Variants in ITPR1 observed in about 807,000 individuals in gnomAD.
ITPR1 encodes the protein inositol 1,4,5-trisphosphate-gated calcium channel ITPR1.
ITPR1 carries 96 observed loss-of-function variants against 318.4 expected under a neutral mutation model. The ratio of observed to expected loss-of-function variants is 0.30; its 90% CI spans 0.26 to 0.36. The LOEUF is 0.36. Among genes scored for constraint, ITPR1 ranks in the 10% least tolerant of loss-of-function variants. ITPR1 has a pLI of 1.00. For synonymous variants in ITPR1, 1,312 were observed against 1,289.9 expected, an observed-to-expected ratio of 1.02 and a Z score of -0.37; for missense variants, 2,440 against 3,460.2, an observed-to-expected ratio of 0.71 and a Z score of 7.40.
intron 36 of ITPR1, among the ~76,000 whole-genome samples, chr3:4,704,715 G>T (rs1291649734): frequency 6.6e-6 from 1 of 151,958 alleles, no homozygotes; most frequent in East Asian, 1.9e-4. Flanking sequence ...CATTTGTCTT[G>T]GTGGTGATAA....
intron 2 of ITPR1, among the ~76,000 whole-genome samples, chr3:4,497,801 A>G (rs2080711690): frequency 6.8e-6 from 1 of 146,768 alleles, no homozygotes; most frequent in African/African-American, 2.6e-5. Flanking sequence ...AAAGGTAGAA[A>G]CAACACAAGT....
chr3:4,530,522 G>A (rs181510670), intron 4 of ITPR1, among the ~76,000 whole-genome samples: 1 of 152,344 alleles, frequency 6.6e-6, no homozygotes, highest in Non-Finnish European at 1.5e-5. Flanking sequence ...GGTGGCTCAT[G>A]CCTGCAATCC....
Position 4,768,757 on chromosome 3 carries a change from A to G in ITPR1, c.5972A>G (p.Asp1991Gly), listed in dbSNP as rs781495978. 7.5e-6 allele frequency: 12 copies of G among 1,610,258 alleles called. No homozygotes were observed. Among genetic ancestry groups the G allele is most frequent in the Non-Finnish European group, 1.0e-5 (12 of 1,177,266 alleles). Residue 1991 changes from aspartate (D) to glycine (G), a missense_variant, in exon 46 of 62, where the codon GAC (aspartate) becomes GGC (glycine). Transcript: ENST00000649015. ...LQLLCENHNR[D>G]LQNFLRCQNN... Reference sequence around the variant, plus strand: ...CTCCTGTGTGAAAACCACAACCGAGACCTGCAGGTGAGGGCCTGGGGGTGG... The same window carrying G: ...CTCCTGTGTGAAAACCACAACCGAGGCCTGCAGGTGAGGGCCTGGGGGTGG...
At chr3:4,808,494 G>A (rs745788480) in intron 55 of ITPR1, among the ~76,000 whole-genome samples, 5 of 152,214 alleles carry the variant, frequency 3.3e-5, no homozygotes, top group Non-Finnish European at 4.4e-5. Flanking sequence ...TTCTGATCAT[G>A]CTACCTCAGT....
chr3:4,668,369 G>A (rs938653709), intron 18 of ITPR1, among the ~76,000 whole-genome samples: 3 of 151,946 alleles, frequency 2.0e-5, no homozygotes, highest in African/African-American at 7.3e-5. Context: ...AAGATGCGAT[G>A]TTTGTCTTTC....
At chr3:4,703,972 C>A (rs2094706309) in intron 36 of ITPR1, among the ~76,000 whole-genome samples, 1 of 152,156 alleles carries the variant, frequency 6.6e-6, no homozygotes, top group Non-Finnish European at 1.5e-5. Flanking sequence ...GATTATCTAT[C>A]AAAAAGAATG....
chr3:4,495,874 T>C (rs1264721311), intron 2 of ITPR1, among the ~76,000 whole-genome samples: 1 of 152,026 alleles, frequency 6.6e-6, no homozygotes, highest in Non-Finnish European at 1.5e-5. Context: ...CTAGGAAAAA[T>C]GGTAAACTTA....
intron 4 of ITPR1, among the ~76,000 whole-genome samples, chr3:4,590,254 G>T (rs1158131350): frequency 8.2e-6 from 1 of 121,252 alleles, no homozygotes; most frequent in Admixed American, 1.0e-4. Flanking sequence ...TTACTTATTT[G>T]CTCTTTATCT....
At chr3:4,761,179 T>C (rs938566254) in intron 44 of ITPR1, among the ~76,000 whole-genome samples, 2 of 152,216 alleles carry the variant, frequency 1.3e-5, no homozygotes, top group Non-Finnish European at 2.9e-5. Flanking sequence ...TGTGCAGGTT[T>C]GTTACCTGGG....
At chr3:4,667,257 C>A in intron 17 of ITPR1, 120 bp from the exon 18 acceptor site, 1 of 686,248 alleles carries the variant, frequency 1.5e-6, no homozygotes, top group Non-Finnish European at 2.3e-6. Flanking sequence ...CTCCCTTATA[C>A]TGTAATGTCT....
chr3:4,709,404 A>T (rs2094824434), intron 37 of ITPR1, among the ~76,000 whole-genome samples: 1 of 152,334 alleles, frequency 6.6e-6, no homozygotes, highest in African/African-American at 2.4e-5. Flanking sequence ...TCTGGATGAA[A>T]GATTAGTTAA....
At position 4,533,460 on chromosome 3, in the gene ITPR1, T is replaced by C. The variant is rs1353858297; in HGVS notation, c.163+12366T>C. Among the ~76,000 whole-genome samples, 3 of 152,188 alleles carry C rather than the reference T, an allele frequency of 2.0e-5. No individual in the cohort carries two copies. The East Asian group carries it at 5.8e-4, about 30-fold the overall frequency. On this transcript the variant is annotated intron_variant, in intron 4 of 61. Transcript: ENST00000649015. The stretch of plus-strand genomic sequence containing the variant: ...GCCATGGTGAATAACACTGTGGAGC[T>C]GATAGGCTTGTGTGAGGATGATTTG...
intron 55 of ITPR1, among the ~76,000 whole-genome samples, chr3:4,808,236 G>T (rs376225063): frequency 2.0e-5 from 3 of 152,186 alleles, no homozygotes; most frequent in Admixed American, 2.0e-4. Flanking sequence ...GAGGTAGATG[G>T]TATCTTCCAA....
chr3:4,513,489 A>G (rs1409709943), intron 2 of ITPR1, among the ~76,000 whole-genome samples: 2 of 152,124 alleles, frequency 1.3e-5, no homozygotes, highest in African/African-American at 4.8e-5. Flanking sequence ...CCCCTGGCAG[A>G]TTGCCCAGAG....
chr3:4,691,851 G>A (rs1393652882), intron 32 of ITPR1, among the ~76,000 whole-genome samples: 1 of 152,104 alleles, frequency 6.6e-6, no homozygotes, highest in Non-Finnish European at 1.5e-5. Context: ...GGCAGGGAGG[G>A]TAGTGTGATT....
intron 4 of ITPR1, among the ~76,000 whole-genome samples, chr3:4,547,091 A>C (rs2085095604): frequency 6.6e-6 from 1 of 152,148 alleles, no homozygotes; most frequent in Non-Finnish European, 1.5e-5. Flanking sequence ...ACTTTTATTG[A>C]GTGTCTACTC....
intron 4 of ITPR1, among the ~76,000 whole-genome samples, chr3:4,544,828 C>A (rs142082797): frequency 1.3e-5 from 2 of 152,350 alleles, no homozygotes; most frequent in African/African-American, 4.8e-5. Context: ...GGGTCTTACT[C>A]TGTTGCCCAG....
chr3:4,845,814 T>A (rs2051728661), intron 61 of ITPR1, among the ~76,000 whole-genome samples: 1 of 152,236 alleles, frequency 6.6e-6, no homozygotes, highest in African/African-American at 2.4e-5. Context: ...GCCACCATTT[T>A]CCAATGAGTC....
chr3:4,693,747 C>G lies in ITPR1; in HGVS notation c.4281+6C>G, dbSNP rs779147075. On this transcript the variant is annotated splice_donor_region_variant and intron_variant, in intron 33 of 61. Coordinates refer to ENST00000649015, the MANE Select transcript of ITPR1 (RefSeq NM_001378452.1). Reference sequence around the variant, plus strand: ...ACGAGGACTGCATCCCTGAGGTGAGCGAGCCCAGCCTGGCTGTGCCCTTCT... The same window carrying G: ...ACGAGGACTGCATCCCTGAGGTGAGGGAGCCCAGCCTGGCTGTGCCCTTCT... The G allele has an allele frequency of 1.2e-6, 2 of 1,606,590 alleles. No homozygotes were observed. Among genetic ancestry groups the G allele is most frequent in the Non-Finnish European group, 8.5e-7 (1 of 1,175,070 alleles).
Sources: gnomAD v4.1 joint callset for allele counts (sites outside exome capture counted in the v4.1 genomes callset) on GRCh38, gnomAD v4.1.1 for gene constraint, MANE v1.5 for transcripts, NCBI Gene and HGNC (gene_info 2026-07-23, HGNC 2026-07-21) for gene names.